OR2L13: variants seen among roughly 807,000 people sequenced by gnomAD.
OR2L13 encodes olfactory receptor family 2 subfamily L member 13, also known as olfactory receptor 2L13.
In OR2L13, 14 loss-of-function variants were observed where a neutral mutation model predicts 15.3. The ratio of observed to expected loss-of-function variants is 0.91; its 90% CI spans 0.60 to 1.43. The LOEUF is 1.43. Among genes scored for constraint, OR2L13 ranks in the 40% most tolerant of loss-of-function variants. The pLI is 0.00. For missense variants in OR2L13, 367 were observed against 387.9 expected (o/e 0.95, Z 0.45); for synonymous variants, 152 against 142.9 (o/e 1.06, Z -0.45).
At chr1:247,940,379 A>G in the OR2L13 span, among the ~76,000 whole-genome samples, 2 of 152,230 alleles carry the variant, frequency 1.3e-5, no homozygotes, top group Non-Finnish European at 2.9e-5. Context: ...CTAGAAAAAC[A>G]TTTTAATGAG....
At chr1:247,965,243 A>T in the OR2L13 span, 1 of 1,090,186 alleles carries the variant, frequency 9.2e-7, no homozygotes, top group East Asian at 2.7e-5. Flanking sequence ...TGCTCTAAAC[A>T]TGTAGATAGT....
At chr1:248,006,679 T>C in the OR2L13 span, among the ~76,000 whole-genome samples, 1 of 152,102 alleles carries the variant, frequency 6.6e-6, no homozygotes, top group Non-Finnish European at 1.5e-5. Flanking sequence ...TGGGGCCTTT[T>C]GGGAAATGAC....
chr1:247,967,045 CCA>C, the OR2L13 span, among the ~76,000 whole-genome samples: 156 of 147,408 alleles, frequency 1.1e-3, no homozygotes, highest in African/African-American at 2.4e-3. Context: ...ACACCACACA[CCA>C]CACACACACA....
At chr1:247,990,580 A>G in the OR2L13 span, 1 of 1,561,082 alleles carries the variant, frequency 6.4e-7, no homozygotes. Flanking sequence ...CTTCTTCCTG[A>G]CTTTAGCAGG....
At chr1:247,991,161 G>T in the OR2L13 span, 1 of 1,606,050 alleles carries the variant, frequency 6.2e-7, no homozygotes, top group Non-Finnish European at 8.5e-7. Flanking sequence ...AGGTGATGGG[G>T]GCCCTGACAC....
chr1:248,068,868 G>A, the OR2L13 span, among the ~76,000 whole-genome samples: 6 of 152,170 alleles, frequency 3.9e-5, no homozygotes, highest in African/African-American at 1.2e-4. Context: ...GGAAGAAAGG[G>A]TATCAGTGAT....
At chr1:248,059,706 T>A in the OR2L13 span, among the ~76,000 whole-genome samples, 1 of 152,182 alleles carries the variant, frequency 6.6e-6, no homozygotes, top group Non-Finnish European at 1.5e-5. Context: ...TTCAAGTTTC[T>A]CAAAATAGCA....
At chr1:247,959,781 T>G in the OR2L13 span, among the ~76,000 whole-genome samples, 1 of 152,340 alleles carries the variant, frequency 6.6e-6, no homozygotes, top group South Asian at 2.1e-4. Flanking sequence ...TGTGCCTTGG[T>G]TTTCAGCTCC....
the OR2L13 span, among the ~76,000 whole-genome samples, chr1:248,028,861 ACCT>A: frequency 6.6e-6 from 1 of 152,146 alleles, no homozygotes; most frequent in African/African-American, 2.4e-5. Context: ...AAGGAGTCTT[ACCT>A]CCTCTTTCAG....
the OR2L13 span, among the ~76,000 whole-genome samples, chr1:248,011,092 G>A: frequency 2.6e-5 from 4 of 152,028 alleles, no homozygotes; most frequent in African/African-American, 7.2e-5. Flanking sequence ...GCTGGTACCC[G>A]TTGTTTCATT....
chr1:247,990,999 C>T, the OR2L13 span: 5 of 1,516,518 alleles, frequency 3.3e-6, no homozygotes, highest in Non-Finnish European at 1.8e-6. Context: ...GCACCCACCT[C>T]ACTGTAGTGA....
chr1:247,993,233 T>C, the OR2L13 span, among the ~76,000 whole-genome samples: 1 of 152,274 alleles, frequency 6.6e-6, no homozygotes, highest in South Asian at 2.1e-4. Flanking sequence ...GTTAGTTTTT[T>C]GCTTGTTGAT....
At chr1:248,061,159 G>C in the OR2L13 span, 1 of 1,613,226 alleles carries the variant, frequency 6.2e-7, no homozygotes, top group South Asian at 1.1e-5. Flanking sequence ...TGCTCACACT[G>C]TATATGTACT....
At chr1:247,977,955 A>T in the OR2L13 span, among the ~76,000 whole-genome samples, 1 of 152,062 alleles carries the variant, frequency 6.6e-6, no homozygotes, top group Non-Finnish European at 1.5e-5. Context: ...AGACTCCTTA[A>T]AAACGTCATC....
At chr1:247,966,071 A>G in the OR2L13 span, 1 of 1,614,166 alleles carries the variant, frequency 6.2e-7, no homozygotes, top group Non-Finnish European at 8.5e-7. Context: ...AGCTCAGGAA[A>G]AGGACAGGCA....
chr1:247,975,248 A>G, the OR2L13 span: 1 of 421,850 alleles, frequency 2.4e-6, no homozygotes, highest in Non-Finnish European at 4.8e-6. Context: ...TTGCTCAGCC[A>G]GGGCTGTGAT....
the OR2L13 span, among the ~76,000 whole-genome samples, chr1:248,074,139 TA>T: frequency 6.6e-6 from 1 of 151,964 alleles, no homozygotes; most frequent in Non-Finnish European, 1.5e-5. Context: ...CTGAATAAAA[TA>T]AATTAAAAAC....
the OR2L13 span, among the ~76,000 whole-genome samples, chr1:248,057,677 G>C: frequency 1.3e-5 from 2 of 151,940 alleles, no homozygotes; most frequent in African/African-American, 4.8e-5. Context: ...GCTCTAATCA[G>C]CATTTTCTCA....
the OR2L13 span, chr1:247,965,877 A>G: frequency 3.2e-5 from 52 of 1,613,696 alleles, 1 homozygote; most frequent in Middle Eastern, 4.9e-4. Context: ...TTCAGCTTCC[A>G]TTCTGTAGGT....
Sources: allele counts gnomAD v4.1 joint callset (sites outside exome capture counted in the v4.1 genomes callset), GRCh38; gene constraint gnomAD v4.1.1; transcripts MANE v1.5; gene names NCBI Gene and HGNC (gene_info 2026-07-23, HGNC 2026-07-21).